IL1RAPL2: variants seen among roughly 807,000 people sequenced by gnomAD.
IL1RAPL2 encodes interleukin 1 receptor accessory protein like 2.
In IL1RAPL2, 3 loss-of-function variants were observed where a neutral mutation model predicts 44.1. The ratio of observed to expected loss-of-function variants is 0.07; its 90% CI spans 0.03 to 0.18. IL1RAPL2 has a LOEUF of 0.18. IL1RAPL2 is among the 10% of genes least tolerant of loss of function. The probability of loss-of-function intolerance (pLI) is 1.00; values close to 1 mark genes in which losing one functional copy is unlikely to be tolerated. For synonymous variants in IL1RAPL2, 181 were observed against 178.8 expected, an observed-to-expected ratio of 1.01 and a Z score of -0.10; for missense variants, 391 against 496.4, an observed-to-expected ratio of 0.79 and a Z score of 2.02.
intron 1 of IL1RAPL2, among the ~76,000 whole-genome samples, chrX:104,619,234 A>G (rs976106314): frequency 8.9e-5 from 10 of 112,121 alleles, no homozygotes; most frequent in African/African-American, 3.2e-4. Context: ...AGAATGGCTG[A>G]CTTTGTATGT....
intron 2 of IL1RAPL2, among the ~76,000 whole-genome samples, chrX:105,036,847 A>G (rs1365103565): frequency 3.6e-5 from 4 of 112,033 alleles, no homozygotes; most frequent in Non-Finnish European, 7.5e-5. Context: ...ATAATATACA[A>G]TACAAAGGGA....
intron 4 of IL1RAPL2, among the ~76,000 whole-genome samples, chrX:105,247,603 A>ATGTGTGTGTGTGTG (rs10588244): frequency 1.1e-5 from 1 of 95,036 alleles, no homozygotes; most frequent in Non-Finnish European, 2.2e-5. Context: ...ATATATATAT[A>ATGTGTGTGTGTGTG]TGTGTGTGTG....
chrX:105,747,772 C>T (rs1361768067), intron 8 of IL1RAPL2, among the ~76,000 whole-genome samples: 1 of 108,514 alleles, frequency 9.2e-6, no homozygotes, highest in Non-Finnish European at 1.9e-5. Flanking sequence ...CAGAATTGAT[C>T]CATCCAGGAA....
chrX:104,972,072 A>G (rs2030248096), intron 2 of IL1RAPL2, among the ~76,000 whole-genome samples: 1 of 111,742 alleles, frequency 8.9e-6, no homozygotes, highest in Non-Finnish European at 1.9e-5. Flanking sequence ...AGTTGGGTCC[A>G]TAGAAATATT....
At chrX:104,967,943 G>A (rs1419910949) in intron 2 of IL1RAPL2, among the ~76,000 whole-genome samples, 1 of 110,840 alleles carries the variant, frequency 9.0e-6, no homozygotes, top group Admixed American at 9.6e-5. Context: ...GAAAAACACT[G>A]AAACCACAGG....
At chrX:105,080,377 A>G (rs1400112183) in intron 2 of IL1RAPL2, among the ~76,000 whole-genome samples, 2 of 112,236 alleles carry the variant, frequency 1.8e-5, no homozygotes, top group African/African-American at 6.5e-5. Context: ...TCTTTAATCC[A>G]TATGAGTTAA....
intron 4 of IL1RAPL2, among the ~76,000 whole-genome samples, chrX:105,237,049 A>G (rs192896686): frequency 9.0e-6 from 1 of 110,803 alleles, no homozygotes. Context: ...CCTGTGTCCA[A>G]GTGTTCTCAT....
rs1569309913 is a variant in IL1RAPL2 at position 104,761,929 on chromosome X, T to TTCTC, written c.82+102934_82+102935insTCTC. 3.0e-4 allele frequency among the ~76,000 whole-genome samples: 9 copies of TTCTC among 30,040 alleles called. 1 individual carries two copies. The highest frequency in any genetic ancestry group is 3.6e-4 in the Admixed American group (1 of 2,784). The allele number at this position is 30,040 out of a possible 115,157, so 26.1% of individuals were successfully genotyped here. On this transcript the variant is annotated intron_variant, in intron 2 of 10. Coordinates refer to ENST00000372582, the MANE Select transcript of IL1RAPL2 (RefSeq NM_017416.2). ...TCCTTCTCCTTCTCCTTCTCCTTCTTCTTCTTCTTCTTCTTCTTCTTCTTC... is the reference window on the plus strand; with the variant it reads ...TCCTTCTCCTTCTCCTTCTCCTTCTTTCTCCTTCTTCTTCTTCTTCTTCTTCTTC...
intron 2 of IL1RAPL2, among the ~76,000 whole-genome samples, chrX:105,075,784 TC>T (rs768185261): frequency 7.1e-5 from 8 of 112,005 alleles, no homozygotes; most frequent in Non-Finnish European, 1.3e-4. Flanking sequence ...AGTGTATGTG[TC>T]GAGGAATTTA....
chrX:105,030,212 G>T (rs1255017516), intron 2 of IL1RAPL2, among the ~76,000 whole-genome samples: 1 of 111,286 alleles, frequency 9.0e-6, no homozygotes, highest in East Asian at 2.8e-4. Context: ...TCACTCTGAT[G>T]GTAGTTTCTT....
chrX:105,735,815 G>T (rs2038443046), intron 7 of IL1RAPL2, among the ~76,000 whole-genome samples: 1 of 110,974 alleles, frequency 9.0e-6, no homozygotes, highest in Non-Finnish European at 1.9e-5. Flanking sequence ...CCAGAGCCAG[G>T]CACTTACTAA....
At chrX:105,201,625 C>G (rs887880918) in intron 3 of IL1RAPL2, among the ~76,000 whole-genome samples, 4 of 111,771 alleles carry the variant, frequency 3.6e-5, no homozygotes, top group African/African-American at 1.3e-4. Flanking sequence ...AAGTGATGCT[C>G]TAGTCTACAT....
chrX:105,009,997 G>A (rs943931747), intron 2 of IL1RAPL2, among the ~76,000 whole-genome samples: 1 of 110,798 alleles, frequency 9.0e-6, no homozygotes, highest in African/African-American at 3.3e-5. Flanking sequence ...AAAATTTACT[G>A]TATAATATTT....
At chrX:104,600,516 A>T (rs1454259189) in intron 1 of IL1RAPL2, among the ~76,000 whole-genome samples, 3 of 109,431 alleles carry the variant, frequency 2.7e-5, no homozygotes, top group Non-Finnish European at 5.7e-5. Context: ...GCTATTTTTA[A>T]TTTTTTTTCA....
intron 2 of IL1RAPL2, among the ~76,000 whole-genome samples, chrX:105,118,349 G>C (rs1457980125): frequency 8.9e-6 from 1 of 112,481 alleles, no homozygotes; most frequent in African/African-American, 3.2e-5. Context: ...TCCTAGGGCT[G>C]ATCAAGTGAG....
intron 1 of IL1RAPL2, among the ~76,000 whole-genome samples, chrX:104,646,280 A>G (rs916916688): frequency 7.3e-5 from 8 of 110,005 alleles, no homozygotes; most frequent in Non-Finnish European, 1.5e-4. Flanking sequence ...TTAATATTCA[A>G]GAAGAATGGA....
intron 2 of IL1RAPL2, among the ~76,000 whole-genome samples, chrX:105,143,989 TAAAAC>T (rs963374083): frequency 3.7e-5 from 4 of 107,839 alleles, no homozygotes; most frequent in Admixed American, 3.0e-4. Context: ...TAAAGTATAA[TAAAAC>T]AAAACAAAAC....
intron 1 of IL1RAPL2, among the ~76,000 whole-genome samples, chrX:104,625,434 C>CT (rs1929484271): frequency 4.5e-5 from 5 of 111,599 alleles, no homozygotes; most frequent in Admixed American, 2.9e-4. Context: ...CTAGTGGTTA[C>CT]TTTTTTGCCA....
intron 2 of IL1RAPL2, among the ~76,000 whole-genome samples, chrX:105,053,721 ATAGAG>A (rs2031956996): frequency 8.9e-6 from 1 of 112,383 alleles, no homozygotes; most frequent in African/African-American, 3.2e-5. Context: ...ATATAAACAA[ATAGAG>A]TAAAGTTCTC....
Sources: allele counts gnomAD v4.1 joint callset (sites outside exome capture counted in the v4.1 genomes callset), GRCh38; gene constraint gnomAD v4.1.1; transcripts MANE v1.5; gene names NCBI Gene and HGNC (gene_info 2026-07-23, HGNC 2026-07-21).